RNF20: variants seen among roughly 807,000 people sequenced by gnomAD.
The protein encoded by RNF20 is ring finger protein 20, also known as E3 ubiquitin-protein ligase BRE1A.
RNF20 carries 84 observed loss-of-function variants against 126.2 expected under a neutral mutation model. That is an observed-to-expected ratio of 0.67 (90% CI 0.56 to 0.80). RNF20 has a LOEUF of 0.80. Ranked by LOEUF, RNF20 falls within the 30% of genes least tolerant of loss-of-function variation. RNF20 has a pLI of 0.00. For missense variants in RNF20, 869 were observed against 1,188.2 expected, an observed-to-expected ratio of 0.73 and a Z score of 3.95; for synonymous variants, 400 against 414.3, an observed-to-expected ratio of 0.97 and a Z score of 0.42.
intron 12 of RNF20, 30 bp from the exon 13 acceptor site, chr9:101,552,353 T>A (rs761471140): frequency 2.5e-6 from 4 of 1,608,024 alleles, no homozygotes; most frequent in Non-Finnish European, 3.4e-6. Flanking sequence ...TCATAAGAGA[T>A]GTGCATCTTT....
chr9:101,562,692 A>G lies in RNF20; in HGVS notation c.*270A>G, dbSNP rs2118751277. On this transcript the variant is annotated 3_prime_UTR_variant, in exon 20 of 20. Transcript: ENST00000389120. ...CCAGCTTTGTTTATTTTGTGCTTTT[A>G]GACTTTTCAGTGTTTTCTTTTTCCA... is the stretch of plus-strand genomic sequence containing the variant. 1 of 309,664 alleles carries G rather than the reference A, an allele frequency of 3.2e-6. No individual in the cohort carries two copies. The highest frequency in any genetic ancestry group is 5.5e-5 in the East Asian group (1 of 18,066). 19.2% of individuals were successfully genotyped at this position (309,664 alleles called of 1,614,324 possible). A position where few individuals can be genotyped will look rare whatever the true frequency, so the allele number is the denominator to read the frequency against.
Position 101,552,695 on chromosome 9 carries a change from CATG to C in RNF20, c.1850_1852del (p.Asp617del), listed in dbSNP as rs755289989. On this transcript the variant is annotated inframe_deletion, in exon 13 of 20. Coordinates refer to ENST00000389120, the MANE Select transcript of RNF20 (RefSeq NM_019592.7). ...TGCTAAGGATAAAGAGAAAGGCAAA[CATG>C]ATGATGGACGGAAAAAGGAAGCAGA... The C allele has an allele frequency of 1.1e-5, 18 of 1,575,296 alleles. No individual in the cohort carries two copies. The South Asian group carries it at 1.6e-4, about 14-fold the overall frequency.
In RNF20 at chr9:101,544,786, A is replaced by AGC; in HGVS notation, c.649_650dup (p.Val218GlnfsTer5). The AGC allele has an allele frequency of 6.2e-7, 1 of 1,606,570 alleles. No homozygotes were observed. Among genetic ancestry groups the AGC allele is most frequent in the Non-Finnish European group, 8.5e-7 (1 of 1,173,166 alleles). On this transcript the variant is annotated frameshift_variant, in exon 6 of 20. Transcript: ENST00000389120. LOFTEE classifies it high-confidence loss of function. ...CCCCAGATAATCTGATAGTGGAGGA[A>AGC]GCAGTGCAGGAGCTGAACTCTTTCC... is the stretch of plus-strand genomic sequence containing the variant.
chr9:101,554,624 C>G, intron 14 of RNF20, 70 bp from the exon 15 acceptor site: 2 of 1,332,108 alleles, frequency 1.5e-6, no homozygotes, highest in South Asian at 2.6e-5. Flanking sequence ...TCTATCTTTG[C>G]ACAGTATTAA....
intron 16 of RNF20, among the ~76,000 whole-genome samples, chr9:101,559,194 A>G (rs1456078486): frequency 1.3e-5 from 2 of 152,146 alleles, no homozygotes; most frequent in Non-Finnish European, 2.9e-5. Flanking sequence ...GGTTTGTCAA[A>G]GATCAGTTGA....
chr9:101,535,523 A>G lies in RNF20; in HGVS notation c.100A>G (p.Thr34Ala). ...AVEDSGTTVE[T>A]IKLGGVSSTE... is the part of the protein sequence containing the mutation. ...TGAAGATTCAGGGACCACAGTGGAA[A>G]CAATTAAGCTAGGAGGTGTCTCTTC... is the stretch of plus-strand genomic sequence containing the variant. The change falls in exon 2 of 20, where the codon ACA (threonine) becomes GCA (alanine). Residue 34 changes from threonine (T) to alanine (A), a missense_variant. Transcript: ENST00000389120. The G allele has an allele frequency of 6.2e-7, 1 of 1,613,676 alleles. No individual in the cohort carries two copies. The highest frequency in any genetic ancestry group is 8.5e-7 in the Non-Finnish European group (1 of 1,179,744).
chr9:101,541,117 C>T (rs898296441), intron 5 of RNF20, 142 bp downstream of exon 5: 33 of 574,964 alleles, frequency 5.7e-5, no homozygotes, highest in African/African-American at 5.4e-4. Context: ...TTCACTGTGT[C>T]ACCCAGGCTG....
At chr9:101,558,785 C>T (rs926179078) in intron 16 of RNF20, among the ~76,000 whole-genome samples, 4 of 151,984 alleles carry the variant, frequency 2.6e-5, no homozygotes, top group Admixed American at 2.6e-4. Flanking sequence ...GTTTGAGTTC[C>T]TTGTAGATTC....
At chr9:101,547,658 T>C in intron 9 of RNF20, 140 bp downstream of exon 9, 1 of 1,024,174 alleles carries the variant, frequency 9.8e-7, no homozygotes, top group Non-Finnish European at 1.4e-6. Flanking sequence ...GATAAAACTC[T>C]TAACAAATTA....
chr9:101,548,092 C>A (rs567189085), intron 9 of RNF20, among the ~76,000 whole-genome samples: 4 of 152,096 alleles, frequency 2.6e-5, no homozygotes, highest in African/African-American at 9.6e-5. Flanking sequence ...TTGTGAATAA[C>A]CTTAACCAGG....
chr9:101,557,348 T>G (rs1167132121), intron 15 of RNF20, 36 bp from the exon 16 acceptor site: 18 of 1,510,268 alleles, frequency 1.2e-5, no homozygotes, highest in Non-Finnish European at 1.6e-5. Context: ...AGTTGGAAGA[T>G]TCTTCTAAAA....
chr9:101,551,174 G>C (rs561469867), intron 10 of RNF20, among the ~76,000 whole-genome samples: 2 of 152,294 alleles, frequency 1.3e-5, no homozygotes, highest in African/African-American at 4.8e-5. Context: ...TTCCCGGCAT[G>C]AGAACAGCAC....
At chr9:101,553,696 TG>T (rs1213686195) in intron 13 of RNF20, among the ~76,000 whole-genome samples, 1 of 152,148 alleles carries the variant, frequency 6.6e-6, no homozygotes, top group East Asian at 1.9e-4. Flanking sequence ...TACCCAGGGT[TG>T]GGGGCCACAG....
chr9:101,538,002 A>G (rs1279992939), intron 2 of RNF20, among the ~76,000 whole-genome samples: 5 of 152,236 alleles, frequency 3.3e-5, no homozygotes, highest in Non-Finnish European at 7.3e-5. Flanking sequence ...ATGACTGATC[A>G]TGGAATTTAA....
At chr9:101,555,046 ATTTACT>A (rs1292794054) in intron 15 of RNF20, among the ~76,000 whole-genome samples, 1 of 151,950 alleles carries the variant, frequency 6.6e-6, no homozygotes, top group Non-Finnish European at 1.5e-5. Flanking sequence ...GAGGCAAGAA[ATTTACT>A]TTTATTTAAA....
At position 101,546,827 on chromosome 9, in the gene RNF20, A is replaced by G; in HGVS notation, c.755A>G (p.Lys252Arg). The G allele has an allele frequency of 6.2e-7, 1 of 1,614,106 alleles. No homozygotes were observed. The highest frequency in any genetic ancestry group is 8.5e-7 in the Non-Finnish European group (1 of 1,179,986). ...KHRTMSQEFS[K>R]LQSKVETAES... is the part of the protein sequence containing the mutation. Reference sequence around the variant, plus strand: ...TTTGTCTTTGGGATGTAGTTCTCCAAGTTGCAGAGTAAAGTGGAGACAGCC... The same window carrying G: ...TTTGTCTTTGGGATGTAGTTCTCCAGGTTGCAGAGTAAAGTGGAGACAGCC... The change falls in exon 7 of 20, where the codon AAG becomes AGG. Residue 252 changes from lysine to arginine, a missense_variant. By Grantham distance (26) the Lys-to-Arg change is conservative (BLOSUM62 2). Transcript: ENST00000389120.
At chr9:101,560,557 A>G (rs2118743511) in intron 16 of RNF20, 1 of 301,774 alleles carries the variant, frequency 3.3e-6, no homozygotes, top group Non-Finnish European at 6.2e-6. Context: ...ATTTTTGGCA[A>G]TTTGGAAAAG....
rs774797313 is a variant in RNF20 at position 101,557,569 on chromosome 9, A to G, written c.2355A>G (p.Ala785=). Residue 785 remains alanine, a synonymous_variant, in exon 16 of 20, where the codon GCA becomes GCG. Transcript: ENST00000389120. ...KLLKEEKEEL[A]DQVLTLKTQV... is the part of the protein sequence containing the mutation. ...TTAAAGAAGAGAAGGAGGAGCTGGCAGACCAGGTGTTGACTCTGAAGACTC... is the reference window on the plus strand; with the variant it reads ...TTAAAGAAGAGAAGGAGGAGCTGGCGGACCAGGTGTTGACTCTGAAGACTC... 2 of 1,613,918 alleles carry G rather than the reference A, an allele frequency of 1.2e-6. No homozygotes were observed. The highest frequency in any genetic ancestry group is 1.1e-5 in the South Asian group (1 of 91,078).
In RNF20 at chr9:101,535,393, A is replaced by T; in HGVS notation, c.-26-5A>T. The T allele has an allele frequency of 1.3e-6, 2 of 1,598,808 alleles. No homozygotes were observed. Among genetic ancestry groups the T allele is most frequent in the Admixed American group, 1.8e-5 (1 of 55,746 alleles). On this transcript the variant is annotated splice_polypyrimidine_tract_variant and splice_region_variant and intron_variant, in intron 1 of 19. Transcript: ENST00000389120. ...TATGTCAGTTTCTGCCTTTTTTTCT[A>T]TCAGGAAAACGACTGTCTTCTTCTG...
Sources: allele counts gnomAD v4.1 joint callset (sites outside exome capture counted in the v4.1 genomes callset), GRCh38; gene constraint gnomAD v4.1.1; transcripts MANE v1.5; gene names NCBI Gene and HGNC (gene_info 2026-07-23, HGNC 2026-07-21).